Variants in BEAN1 observed in about 807,000 individuals in gnomAD.
BEAN1 encodes the protein brain expressed associated with NEDD4 1, also known as protein BEAN1.
Under a neutral mutation model 17.7 loss-of-function variants are expected in BEAN1, and 17 were observed. The observed-to-expected ratio is 0.96, with a 90% CI of 0.66 to 1.44. BEAN1 has a LOEUF of 1.44. Among genes scored for constraint, BEAN1 ranks in the 40% most tolerant of loss-of-function variants. The pLI is 0.00. For missense variants in BEAN1, 359 were observed against 374.1 expected, an observed-to-expected ratio of 0.96 and a Z score of 0.33; for synonymous variants, 142 against 151.8, an observed-to-expected ratio of 0.94 and a Z score of 0.47.
intron 3 of BEAN1, among the ~76,000 whole-genome samples, chr16:66,475,182 A>G (rs1167186930): frequency 1.3e-5 from 2 of 152,200 alleles, no homozygotes; most frequent in Non-Finnish European, 2.9e-5. Flanking sequence ...GAGAAGGGAA[A>G]AGAAGGGATT....
chr16:66,459,642 G>A (rs1329692262), intron 2 of BEAN1, among the ~76,000 whole-genome samples: 1 of 152,048 alleles, frequency 6.6e-6, no homozygotes, highest in African/African-American at 2.4e-5. Flanking sequence ...CTCTTGATGT[G>A]ACCTTGAAGA....
intron 2 of BEAN1, among the ~76,000 whole-genome samples, chr16:66,461,139 G>A (rs1402093183): frequency 6.7e-6 from 1 of 149,860 alleles, no homozygotes; most frequent in Non-Finnish European, 1.5e-5. Context: ...AGGAGGCAAA[G>A]CTTGTTTCAT....
chr16:66,435,987 G>A (rs1961999353), intron 1 of BEAN1, among the ~76,000 whole-genome samples: 1 of 152,016 alleles, frequency 6.6e-6, no homozygotes, highest in South Asian at 2.1e-4. Flanking sequence ...TAGGGATGAG[G>A]GATATATACC....
rs1961638469 is a variant in BEAN1, at chr16:66,427,803, C to A, written c.-83+372C>A. On this transcript the variant is annotated intron_variant, in intron 1 of 4. Coordinates refer to ENST00000536005, the MANE Select transcript of BEAN1 (RefSeq NM_001178020.3). This position sits in a 1 kb window ranked among gnomAD's most constrained non-coding sequence, Gnocchi z 4.7. ...CCAAGACAGCCTCCCCAGCAGCTTG[C>A]CCTCGGTTTCGGGGACCCCTGAACA... 1 of 152,140 alleles carries A rather than the reference C, an allele frequency of 6.6e-6. No individual in the cohort carries two copies. Among genetic ancestry groups the A allele is most frequent in the African/African-American group, 2.4e-5 (1 of 41,432 alleles). 9.4% of individuals were successfully genotyped at this position (152,140 alleles called of 1,614,324 possible).
intron 1 of BEAN1, among the ~76,000 whole-genome samples, chr16:66,432,366 G>A (rs1472254164): frequency 2.6e-5 from 4 of 152,238 alleles, no homozygotes; most frequent in Non-Finnish European, 5.9e-5. Flanking sequence ...CAGGAGAAAG[G>A]TGTTGCCTGC....
At chr16:66,430,919 T>C (rs1056374594) in intron 1 of BEAN1, among the ~76,000 whole-genome samples, 2 of 152,246 alleles carry the variant, frequency 1.3e-5, no homozygotes, top group Non-Finnish European at 2.9e-5. Flanking sequence ...ATTATTGTTA[T>C]TATTTTTGCC....
chr16:66,451,316 C>A (rs1456747052), intron 2 of BEAN1: 1 of 152,250 alleles, frequency 6.6e-6, no homozygotes, highest in African/African-American at 2.4e-5. Context: ...TTTAGAGAAT[C>A]TTCTTTCAAA....
chr16:66,427,746 T>C lies in BEAN1; in HGVS notation c.-83+315T>C, dbSNP rs1961635718. 1 of 150,722 alleles carries C rather than the reference T, an allele frequency of 6.6e-6. No homozygotes were observed. Among genetic ancestry groups the C allele is most frequent in the Non-Finnish European group, 1.5e-5 (1 of 67,718 alleles). The allele number at this position is 150,722 out of a possible 1,614,324, so 9.3% of individuals were successfully genotyped here. On this transcript the variant is annotated intron_variant, in intron 1 of 4. Transcript: ENST00000536005. The surrounding 1 kb of genome is among the most constrained non-coding windows in gnomAD (Gnocchi z 4.7). The stretch of plus-strand genomic sequence containing the variant: ...ATCCAGGTTTTCTGCCTGACTCGAG[T>C]CCCCGACGAGCATCAACCGCATTTG...
At chr16:66,456,060 G>A (rs1211243216) in intron 2 of BEAN1, among the ~76,000 whole-genome samples, 1 of 152,216 alleles carries the variant, frequency 6.6e-6, no homozygotes, top group Non-Finnish European at 1.5e-5. Context: ...ACTCCAGGAA[G>A]CTCATTCTTG....
chr16:66,472,965 G>C (rs1963541525), intron 3 of BEAN1, among the ~76,000 whole-genome samples: 1 of 152,060 alleles, frequency 6.6e-6, no homozygotes, highest in Admixed American at 6.5e-5. Context: ...GCTTCAGTGA[G>C]CTATGATCTC....
intron 1 of BEAN1, among the ~76,000 whole-genome samples, chr16:66,436,770 A>G (rs1268786980): frequency 6.6e-6 from 1 of 152,014 alleles, no homozygotes; most frequent in Admixed American, 6.6e-5. Flanking sequence ...TGTTTTCTCC[A>G]TTGCAAATTG....
At chr16:66,430,333 C>A (rs1245916618) in intron 1 of BEAN1, among the ~76,000 whole-genome samples, 1 of 152,158 alleles carries the variant, frequency 6.6e-6, no homozygotes, top group Non-Finnish European at 1.5e-5. Context: ...TTCTGATAAC[C>A]AGCTCTCTGA....
chr16:66,467,734 C>T (rs1180066896), intron 2 of BEAN1, among the ~76,000 whole-genome samples: 1 of 152,184 alleles, frequency 6.6e-6, no homozygotes, highest in Non-Finnish European at 1.5e-5. Flanking sequence ...CCAGTGCGTG[C>T]CTCTCCAGGG....
At position 66,432,391 on chromosome 16, in the gene BEAN1, C is replaced by T. The variant is rs569639028; in HGVS notation, c.-83+4960C>T. Among the ~76,000 whole-genome samples, 209 of 152,342 alleles carry T rather than the reference C, an allele frequency of 1.4e-3. 1 individual carries two copies. Among genetic ancestry groups the T allele is most frequent in the African/African-American group, 4.9e-3 (205 of 41,582 alleles). ...GTGTTGCCTGCTGCCTGAGGACCCC[C>T]AACTGCAGCTTCACAAGTGAGCCCC... On this transcript the variant is annotated intron_variant, in intron 1 of 4. Transcript: ENST00000536005.
At chr16:66,468,605 C>A (rs542249472) in intron 2 of BEAN1, among the ~76,000 whole-genome samples, 88 of 152,286 alleles carry the variant, frequency 5.8e-4, no homozygotes, top group African/African-American at 2.0e-3. Flanking sequence ...AACTGAGCAA[C>A]CATGGGCCAG....
chr16:66,477,701 C>G lies in BEAN1; in HGVS notation c.431C>G (p.Ser144Cys). ...ATVLRELYPD[S>C]PPGYEECVGP... is the part of the protein sequence containing the mutation. ...GTGCTCAGGGAGCTGTACCCAGATT[C>G]TCCACCAGGGTAAGGAGGCCTCATG... Residue 144 changes from serine (S) to cysteine (C), a missense_variant, in exon 4 of 5, where the codon TCT becomes TGT. Ser to Cys is a moderately radical substitution (Grantham distance 112). Transcript: ENST00000536005. 1 of 1,547,362 alleles carries G rather than the reference C, an allele frequency of 6.5e-7. No homozygotes were observed. Among genetic ancestry groups the G allele is most frequent in the Non-Finnish European group, 8.7e-7 (1 of 1,144,890 alleles).
chr16:66,435,281 T>A (rs530373825), intron 1 of BEAN1, among the ~76,000 whole-genome samples: 1 of 152,288 alleles, frequency 6.6e-6, no homozygotes, highest in East Asian at 1.9e-4. Flanking sequence ...ATCTCTTCTC[T>A]GTGACCTTGG....
chr16:66,448,156 A>G (rs1962523232), intron 2 of BEAN1, among the ~76,000 whole-genome samples: 1 of 152,198 alleles, frequency 6.6e-6, no homozygotes, highest in African/African-American at 2.4e-5. Flanking sequence ...AGAATCTCTG[A>G]ACATCTACAG....
exon 5 of BEAN1, chr16:66,493,067 T>G: frequency 2.8e-6 from 2 of 702,896 alleles, no homozygotes; most frequent in East Asian, 2.7e-5. Flanking sequence ...GGAGTCTGAG[T>G]TCTCACTGGT....
Sources: allele counts gnomAD v4.1 joint callset (sites outside exome capture counted in the v4.1 genomes callset), GRCh38; gene constraint gnomAD v4.1.1; non-coding constraint Gnocchi (gnomAD v3.1); transcripts MANE v1.5; gene names NCBI Gene and HGNC (gene_info 2026-07-23, HGNC 2026-07-21).